Variants in SLC6A11 observed in about 807,000 individuals in gnomAD.
The protein encoded by SLC6A11 is sodium- and chloride-dependent GABA transporter 3.
In SLC6A11, 25 loss-of-function variants were observed where a neutral mutation model predicts 74.8. The ratio of observed to expected loss-of-function variants is 0.33; its 90% CI spans 0.24 to 0.47. The LOEUF is 0.47. Ranked by LOEUF, SLC6A11 falls within the 20% of genes least tolerant of loss-of-function variation. SLC6A11 has a pLI of 1.00. For missense variants in SLC6A11, 574 were observed against 837.0 expected (o/e 0.69, Z 3.88); for synonymous variants, 330 against 330.2 (o/e 1.00, Z 0.01).
At chr3:10,910,595 C>A (rs1226414505) in intron 6 of SLC6A11, among the ~76,000 whole-genome samples, 1 of 152,068 alleles carries the variant, frequency 6.6e-6, no homozygotes, top group African/African-American at 2.4e-5. Flanking sequence ...GAAGAGAGTC[C>A]TGTGTTGAGT....
chr3:10,874,036 C>CGTTA (rs1694879321), intron 5 of SLC6A11, among the ~76,000 whole-genome samples: 1 of 151,188 alleles, frequency 6.6e-6, no homozygotes, highest in African/African-American at 2.4e-5. Context: ...TCCTATCCTA[C>CGTTA]GTTAGTCTAG....
intron 6 of SLC6A11, among the ~76,000 whole-genome samples, chr3:10,902,669 A>G (rs1035957452): frequency 6.6e-6 from 1 of 152,222 alleles, no homozygotes; most frequent in Non-Finnish European, 1.5e-5. Flanking sequence ...TGCTGACCCC[A>G]AAGTTTTTGC....
intron 5 of SLC6A11, among the ~76,000 whole-genome samples, chr3:10,864,349 G>C (rs1316494797): frequency 6.6e-6 from 1 of 151,450 alleles, no homozygotes; most frequent in Admixed American, 6.6e-5. Context: ...GGGTTGGGAG[G>C]GGCGTTTTCC....
At chr3:10,869,418 C>T (rs1294698238) in intron 5 of SLC6A11, among the ~76,000 whole-genome samples, 1 of 152,220 alleles carries the variant, frequency 6.6e-6, no homozygotes, top group African/African-American at 2.4e-5. Context: ...ATAGAAAGGA[C>T]AATGAGTTCT....
chr3:10,878,169 A>G (rs1018407480), intron 6 of SLC6A11, among the ~76,000 whole-genome samples: 2 of 152,142 alleles, frequency 1.3e-5, no homozygotes, highest in African/African-American at 4.8e-5. Context: ...TCTTTGGAAT[A>G]AGATCCAAAT....
chr3:10,866,626 G>C (rs932477776), intron 5 of SLC6A11, among the ~76,000 whole-genome samples: 18 of 152,190 alleles, frequency 1.2e-4, no homozygotes, highest in African/African-American at 4.3e-4. Flanking sequence ...ACTTGCACTT[G>C]TACAAAAATT....
intron 6 of SLC6A11, among the ~76,000 whole-genome samples, chr3:10,908,841 TC>T (rs143519546): frequency 0.13 from 19,785 of 152,078 alleles, 1,543 homozygotes; most frequent in South Asian, 0.21. Flanking sequence ...TCTGGGTTTT[TC>T]TAAGAGCTAA....
rs78066697 is a variant in SLC6A11, at chr3:10,885,090, G to A, written c.891+9995G>A. Reference sequence around the variant, plus strand: ...ATCACCGCTGCTCCCTTTCTCACATGGCAGACCAAGGGAGCTTGTTAAAAG... The same window carrying A: ...ATCACCGCTGCTCCCTTTCTCACATAGCAGACCAAGGGAGCTTGTTAAAAG... On this transcript the variant is annotated intron_variant, in intron 6 of 13. Coordinates refer to ENST00000254488, the MANE Select transcript of SLC6A11 (RefSeq NM_014229.3). 8.0e-4 allele frequency among the ~76,000 whole-genome samples: 122 copies of A among 152,304 alleles called. 3 individuals carry two copies. The East Asian group carries it at 0.023, about 29-fold the overall frequency.
At chr3:10,822,077 G>C (rs895872126) in intron 3 of SLC6A11, among the ~76,000 whole-genome samples, 1 of 152,210 alleles carries the variant, frequency 6.6e-6, no homozygotes, top group Non-Finnish European at 1.5e-5. Context: ...TCTTCAACTG[G>C]TTTGCAATCC....
chr3:10,823,187 T>C, intron 3 of SLC6A11, 115 bp from the exon 4 acceptor site: 1 of 714,440 alleles, frequency 1.4e-6, no homozygotes. Context: ...GACGCATGTT[T>C]ACCTGGAGTG....
intron 5 of SLC6A11, among the ~76,000 whole-genome samples, chr3:10,869,179 A>G (rs967416871): frequency 1.3e-4 from 20 of 152,172 alleles, no homozygotes; most frequent in African/African-American, 3.9e-4. Flanking sequence ...AAAAATCTTA[A>G]ACTTACAAGG....
At chr3:10,930,468 C>T (rs943032936) in intron 10 of SLC6A11, among the ~76,000 whole-genome samples, 6 of 152,182 alleles carry the variant, frequency 3.9e-5, no homozygotes, top group African/African-American at 1.4e-4. Context: ...CAGTCATTGT[C>T]ACATTAATGA....
At chr3:10,873,645 C>CTGTCA (rs1694865970) in intron 5 of SLC6A11, among the ~76,000 whole-genome samples, 1 of 147,142 alleles carries the variant, frequency 6.8e-6, no homozygotes, top group African/African-American at 2.6e-5. Flanking sequence ...CTGTCCTGTC[C>CTGTCA]TGTCCATCTA....
At chr3:10,828,506 G>A (rs1157678434) in intron 4 of SLC6A11, among the ~76,000 whole-genome samples, 1 of 152,168 alleles carries the variant, frequency 6.6e-6, no homozygotes, top group African/African-American at 2.4e-5. Context: ...CTGTGGGACT[G>A]GGGTGACTCC....
intron 7 of SLC6A11, among the ~76,000 whole-genome samples, chr3:10,912,929 G>C (rs1695407227): frequency 6.6e-6 from 1 of 152,126 alleles, no homozygotes. Context: ...AATATTTCAT[G>C]GTAGATGGAC....
chr3:10,867,399 C>G (rs1056622561), intron 5 of SLC6A11, among the ~76,000 whole-genome samples: 3 of 152,182 alleles, frequency 2.0e-5, no homozygotes, highest in Admixed American at 6.5e-5. Flanking sequence ...GAATTTTTGT[C>G]TGCAAAGTGG....
chr3:10,901,371 A>G (rs1052691834), intron 6 of SLC6A11, among the ~76,000 whole-genome samples: 2 of 152,090 alleles, frequency 1.3e-5, no homozygotes, highest in African/African-American at 4.8e-5. Flanking sequence ...GCTCCACACA[A>G]AGGGGCCACC....
chr3:10,873,689 C>CATCCCATCCT (rs1694867961), intron 5 of SLC6A11, among the ~76,000 whole-genome samples: 1 of 134,614 alleles, frequency 7.4e-6, no homozygotes. Flanking sequence ...TATCCCGTCC[C>CATCCCATCCT]ATCCTATCCT....
At chr3:10,859,598 A>G (rs1694679939) in intron 5 of SLC6A11, among the ~76,000 whole-genome samples, 2 of 152,086 alleles carry the variant, frequency 1.3e-5, no homozygotes, top group Admixed American at 1.3e-4. Context: ...GAGCCTGTGG[A>G]TGTTTCAAGG....
Sources: gnomAD v4.1 joint callset for allele counts (sites outside exome capture counted in the v4.1 genomes callset) on GRCh38, gnomAD v4.1.1 for gene constraint, MANE v1.5 for transcripts, NCBI Gene and HGNC (gene_info 2026-07-23, HGNC 2026-07-21) for gene names.